The following PLXNA4 variants were observed in gnomAD, a reference collection of about 807,000 sequenced individuals.
PLXNA4 encodes the protein plexin A4.
A neutral mutation model predicts 191.8 loss-of-function variants in PLXNA4; 44 were observed. The ratio of observed to expected loss-of-function variants is 0.23; its 90% confidence interval spans 0.18 to 0.29. The LOEUF (loss-of-function observed/expected upper bound fraction) is 0.29. Ranked by LOEUF, PLXNA4 falls within the 10% of genes least tolerant of loss-of-function variation. The probability of loss-of-function intolerance (pLI) is 1.00; values close to 1 mark genes in which losing one functional copy is unlikely to be tolerated. For missense variants in PLXNA4, 1,800 were observed against 2,488.8 expected (o/e 0.72, Z 5.89); for synonymous variants, 1,082 against 1,009.5 (o/e 1.07, Z -1.36).
intron 3 of PLXNA4, among the ~76,000 whole-genome samples, chr7:132,451,766 A>G (rs1265975464): frequency 1.3e-5 from 2 of 152,176 alleles, no homozygotes; most frequent in African/African-American, 4.8e-5. Flanking sequence ...CCTGGAAGAG[A>G]CCAAGCTCAC....
At position 132,334,351 on chromosome 7, in the gene PLXNA4, A is replaced by G. The variant is rs148413573; in HGVS notation, c.1372-36129T>C. 7.5e-3 allele frequency among the ~76,000 whole-genome samples: 1,045 copies of G among 138,764 alleles called. 11 individuals carry two copies. Among genetic ancestry groups the G allele is most frequent in the African/African-American group, 0.028 (1,009 of 36,326 alleles). 91.0% of individuals were successfully genotyped at this position (138,764 alleles called of 152,430 possible). A position where few individuals can be genotyped will look rare whatever the true frequency, so the allele number is the denominator to read the frequency against. Reference sequence around the variant, plus strand: ...CAGCTCACTGCAGCCTCAACCTCCCAGGCTCAGATGATCCTCCTGCCATAG... The same window carrying G: ...CAGCTCACTGCAGCCTCAACCTCCCGGGCTCAGATGATCCTCCTGCCATAG... On this transcript the variant is annotated intron_variant, in intron 3 of 31. Coordinates refer to ENST00000321063, the MANE Select transcript of PLXNA4 (RefSeq NM_020911.2).
intron 1 of PLXNA4, among the ~76,000 whole-genome samples, chr7:132,513,790 T>C (rs555254098): frequency 4.7e-4 from 71 of 152,002 alleles, no homozygotes; most frequent in African/African-American, 1.7e-3. Flanking sequence ...TTCTCCTGCC[T>C]CAGCCTCCCA....
chr7:132,479,143 C>T (rs1797241764), intron 3 of PLXNA4, among the ~76,000 whole-genome samples: 1 of 152,082 alleles, frequency 6.6e-6, no homozygotes, highest in African/African-American at 2.4e-5. Context: ...GTGACACATA[C>T]CTGTAGTCCC....
intron 3 of PLXNA4, among the ~76,000 whole-genome samples, chr7:132,446,093 G>A (rs1427492168): frequency 1.3e-5 from 2 of 152,148 alleles, no homozygotes; most frequent in African/African-American, 2.4e-5. Flanking sequence ...GCCAGGTGTG[G>A]TCTTGAGCAC....
At chr7:132,584,092 G>A (rs1456159293) in intron 2 of PLXNA4, among the ~76,000 whole-genome samples, 2 of 152,192 alleles carry the variant, frequency 1.3e-5, no homozygotes, top group Admixed American at 6.5e-5. Flanking sequence ...TGATGGGCCT[G>A]GATAAGACAG....
intron 3 of PLXNA4, among the ~76,000 whole-genome samples, chr7:132,339,434 T>C (rs1431770674): frequency 6.6e-6 from 1 of 152,224 alleles, no homozygotes; most frequent in African/African-American, 2.4e-5. Flanking sequence ...TCACATATTC[T>C]ACAGAGCAGT....
chr7:132,251,689 G>A (rs566076868), intron 4 of PLXNA4, among the ~76,000 whole-genome samples: 8 of 152,312 alleles, frequency 5.3e-5, no homozygotes, highest in Admixed American at 1.3e-4. Flanking sequence ...TTTTGTGAAT[G>A]AGTGCACAGC....
intron 4 of PLXNA4, among the ~76,000 whole-genome samples, chr7:132,265,427 C>T (rs755126468): frequency 4.6e-5 from 7 of 152,186 alleles, no homozygotes; most frequent in Non-Finnish European, 1.0e-4. Context: ...CCTTTGGAAC[C>T]ATTATTCATT....
At position 132,124,442 on chromosome 7, in the gene PLXNA4, C is replaced by A. The variant is rs1417981637; in HGVS notation, c.*6037G>T. On this transcript the variant is annotated 3_prime_UTR_variant, in exon 32 of 32. Transcript: ENST00000321063. Reference sequence around the variant, plus strand: ...GGTTTCTTAAGCGTCCTTTGGGTTGCTCTTTAACTGTATCCTCTGTTTTAA... The same window carrying A: ...GGTTTCTTAAGCGTCCTTTGGGTTGATCTTTAACTGTATCCTCTGTTTTAA... The A allele has an allele frequency of 6.6e-6, 1 of 152,178 alleles. No individual in the cohort carries two copies. The highest frequency in any genetic ancestry group is 2.4e-5 in the African/African-American group (1 of 41,462). 9.4% of individuals were successfully genotyped at this position (152,178 alleles called of 1,614,324 possible). A position where few individuals can be genotyped will look rare whatever the true frequency, so the allele number is the denominator to read the frequency against.
In PLXNA4 at chr7:132,168,413, C is replaced by T. The variant is rs757554246; in HGVS notation, c.4177G>A (p.Val1393Met). 77 of 1,613,748 alleles carry T rather than the reference C, an allele frequency of 4.8e-5. No homozygotes were observed. The highest frequency in any genetic ancestry group is 6.0e-5 in the Non-Finnish European group (71 of 1,179,864). ...GCGTACTCCAGCTTGCTCTGCAGCA[C>T]GGTCATGATGAGTGAGGCCACGTTG... ...RGNVASLIMTVLQSKLEYATD... is the reference protein window; with the variant it reads ...RGNVASLIMTMLQSKLEYATD... Residue 1393 changes from valine to methionine, a missense_variant, in exon 22 of 32, where the codon GTG becomes ATG. Val to Met is a conservative substitution (Grantham distance 21). This residue lies in a region of PLXNA4 where 1,397 missense variants were observed against 1,880.4 expected (regional missense o/e 0.74). Coordinates refer to ENST00000321063, the MANE Select transcript of PLXNA4 (RefSeq NM_020911.2).
chr7:132,437,531 T>A (rs112119807), intron 3 of PLXNA4, among the ~76,000 whole-genome samples: 2 of 139,876 alleles, frequency 1.4e-5, no homozygotes, highest in African/African-American at 5.5e-5. Context: ...AAGCTCGGGA[T>A]CACAAATGGA....
chr7:132,558,808 G>C (rs1800908974), intron 1 of PLXNA4, among the ~76,000 whole-genome samples: 1 of 152,182 alleles, frequency 6.6e-6, no homozygotes, highest in Non-Finnish European at 1.5e-5. Context: ...CCCCTTTGAG[G>C]ACATCTGATA....
chr7:132,434,254 G>A (rs1795385499), intron 3 of PLXNA4, among the ~76,000 whole-genome samples: 1 of 152,144 alleles, frequency 6.6e-6, no homozygotes, highest in Non-Finnish European at 1.5e-5. Flanking sequence ...TTTGGCCACA[G>A]TGTGCACCCA....
At position 132,159,502 on chromosome 7, in the gene PLXNA4, T is replaced by G. The variant is rs1234957922; in HGVS notation, c.4631A>C (p.His1544Pro). ...DAIFKNVPCS[H>P]RPKAADMDLE... ...ATCCATATCTGCAGCTTTGGGCCGGTGGGAGCAAGGCACATTCTTGAAGAT... is the reference window on the plus strand; with the variant it reads ...ATCCATATCTGCAGCTTTGGGCCGGGGGGAGCAAGGCACATTCTTGAAGAT... The change falls in exon 25 of 32, where the codon CAC becomes CCC. Residue 1544 changes from histidine to proline, a missense_variant. This residue lies in a region of PLXNA4 where 214 missense variants were observed against 298.2 expected (regional missense o/e 0.72). Transcript: ENST00000321063. 1.9e-6 allele frequency: 3 copies of G among 1,613,988 alleles called. No homozygotes were observed.
chr7:132,503,615 C>T (rs116872018), intron 2 of PLXNA4, among the ~76,000 whole-genome samples: 3,148 of 152,292 alleles, frequency 0.021, 69 homozygotes, highest in Middle Eastern at 0.051. Flanking sequence ...ACATGCTCTG[C>T]AGACAGGGGG....
chr7:132,264,466 T>C (rs1176198761), intron 4 of PLXNA4, among the ~76,000 whole-genome samples: 2 of 152,150 alleles, frequency 1.3e-5, no homozygotes, highest in African/African-American at 2.4e-5. Context: ...TCTTTTTTTT[T>C]CTGCAAATGA....
chr7:132,185,660 T>C (rs2116766346), intron 15 of PLXNA4, among the ~76,000 whole-genome samples, 197 bp from the exon 16 acceptor site: 1 of 152,366 alleles, frequency 6.6e-6, no homozygotes, highest in East Asian at 1.9e-4. Flanking sequence ...CTGAGCCTTC[T>C]TTTCAAATAG....
intron 2 of PLXNA4, among the ~76,000 whole-genome samples, chr7:132,628,919 C>A (rs781763197): frequency 2.6e-5 from 4 of 152,184 alleles, no homozygotes; most frequent in Non-Finnish European, 5.9e-5. Flanking sequence ...TTGCTTAGTT[C>A]AAATTCTGTC....
intron 4 of PLXNA4, among the ~76,000 whole-genome samples, chr7:132,290,874 T>C (rs973689128): frequency 4.6e-5 from 7 of 152,334 alleles, no homozygotes; most frequent in East Asian, 1.9e-4. Flanking sequence ...CACACGTCCA[T>C]GATAAGAGAA....
Sources: allele counts gnomAD v4.1 joint callset (sites outside exome capture counted in the v4.1 genomes callset), GRCh38; gene constraint gnomAD v4.1.1; regional missense constraint gnomAD v4.1.1; transcripts MANE v1.5; gene names NCBI Gene and HGNC (gene_info 2026-07-23, HGNC 2026-07-21).